MDFIC: variants seen among roughly 807,000 people sequenced by gnomAD.
MDFIC encodes MyoD family inhibitor domain containing.
In MDFIC, 17 loss-of-function variants were observed where a neutral mutation model predicts 23.2. The ratio of observed to expected loss-of-function variants is 0.73; its 90% CI spans 0.50 to 1.10. MDFIC has a LOEUF of 1.10. MDFIC is among the 50% of genes least tolerant of loss of function. The pLI is 0.00. For synonymous variants in MDFIC, 120 were observed against 115.2 expected (o/e 1.04, Z -0.27); for missense variants, 356 against 316.6 (o/e 1.12, Z -0.95).
In MDFIC at chr7:114,946,484, A is replaced by C. The variant is rs574563463; in HGVS notation, c.217+4087A>C. Among the ~76,000 whole-genome samples, 310 of 152,280 alleles carry C rather than the reference A, an allele frequency of 2.0e-3. 1 individual carries two copies. The highest frequency in any genetic ancestry group is 3.5e-3 in the Non-Finnish European group (236 of 68,028). On this transcript the variant is annotated intron_variant, in intron 3 of 4. Transcript: ENST00000393486. ...ACGTCTGCTAATTCTAAATGTCATT[A>C]CTTAACTCCAGAAATTTTCCTTAGC...
rs778510969 is a variant in MDFIC, at chr7:114,938,913, T to A, written c.95-3362T>A. Among the ~76,000 whole-genome samples the A allele has an allele frequency of 4.9e-4, 75 of 152,228 alleles. 1 individual carries two copies. Among genetic ancestry groups the A allele is most frequent in the Non-Finnish European group, 5.9e-5 (4 of 68,040 alleles). ...AAATAACATGAAAAACCTACTCTGATAATAGAAATTGGTTACTAGAAACTT... is the reference window on the plus strand; with the variant it reads ...AAATAACATGAAAAACCTACTCTGAAAATAGAAATTGGTTACTAGAAACTT... On this transcript the variant is annotated intron_variant, in intron 2 of 4. Transcript: ENST00000393486.
intron 2 of MDFIC, among the ~76,000 whole-genome samples, chr7:114,933,089 G>C (rs4466338): frequency 0.83 from 126,381 of 152,104 alleles, 54,377 homozygotes; most frequent in East Asian, 1. Flanking sequence ...TGCTTAACTA[G>C]AGAGCTTGAG....
Position 115,019,281 on chromosome 7 carries a change from T to C in MDFIC, c.*3346T>C, listed in dbSNP as rs1791856939. ...TAACTAAAACAATACAGTATGACTTTATTTAGGAGAAGGCTTTTTATTTAG... is the reference window on the plus strand; with the variant it reads ...TAACTAAAACAATACAGTATGACTTCATTTAGGAGAAGGCTTTTTATTTAG... On this transcript the variant is annotated 3_prime_UTR_variant, in exon 5 of 5. Transcript: ENST00000393486. 6.6e-6 allele frequency: 1 copy of C among 152,106 alleles called. No individual in the cohort carries two copies. The highest frequency in any genetic ancestry group is 1.5e-5 in the Non-Finnish European group (1 of 67,960). The allele number at this position is 152,106 out of a possible 1,614,324, so 9.4% of individuals were successfully genotyped here.
intron 2 of MDFIC, among the ~76,000 whole-genome samples, chr7:114,932,458 CA>C (rs1792330336): frequency 6.6e-5 from 10 of 152,048 alleles, no homozygotes; most frequent in Admixed American, 6.5e-4. Context: ...AAGACACAGA[CA>C]ACAGTTATAG....
rs1791864577 is a variant in MDFIC at position 115,019,779 on chromosome 7, T to A, written c.*3844T>A. Reference sequence around the variant, plus strand: ...ACAACAGAACATATCATTTTTGTTTTAAACAATGGTTAATATATTAATAGG... The same window carrying A: ...ACAACAGAACATATCATTTTTGTTTAAAACAATGGTTAATATATTAATAGG... On this transcript the variant is annotated 3_prime_UTR_variant, in exon 5 of 5. Coordinates refer to ENST00000393486, the MANE Select transcript of MDFIC (RefSeq NM_001166345.3). Among the ~76,000 whole-genome samples, 1 of 152,150 alleles carries A rather than the reference T, an allele frequency of 6.6e-6. No homozygotes were observed. Among genetic ancestry groups the A allele is most frequent in the South Asian group, 2.1e-4 (1 of 4,828 alleles).
intron 4 of MDFIC, chr7:115,014,512 A>G (rs1345292301): frequency 7.8e-7 from 1 of 1,289,668 alleles, no homozygotes; most frequent in East Asian, 5.6e-5. Context: ...AAATACAGAA[A>G]CACAAAGGAC....
intron 3 of MDFIC, 123 bp from the exon 4 acceptor site, chr7:114,979,383 G>A (rs1793375001): frequency 1.1e-6 from 1 of 920,846 alleles, no homozygotes; most frequent in African/African-American, 1.7e-5. Flanking sequence ...TTTCTTTGTT[G>A]CCTCTTCAGT....
chr7:114,982,972 A>G (rs868833731), intron 4 of MDFIC, among the ~76,000 whole-genome samples: 1 of 152,214 alleles, frequency 6.6e-6, no homozygotes, highest in African/African-American at 2.4e-5. Context: ...TTAATTAGGG[A>G]GAAGCCCTCA....
At chr7:114,976,612 A>G (rs1793320852) in intron 3 of MDFIC, among the ~76,000 whole-genome samples, 1 of 152,154 alleles carries the variant, frequency 6.6e-6, no homozygotes, top group Non-Finnish European at 1.5e-5. Flanking sequence ...CTTTATCACT[A>G]AAGAACTGAA....
intron 3 of MDFIC, among the ~76,000 whole-genome samples, chr7:114,978,631 A>G (rs1330389256): frequency 6.6e-6 from 1 of 152,002 alleles, no homozygotes; most frequent in Non-Finnish European, 1.5e-5. Flanking sequence ...TTGTGTATCA[A>G]TCTTGCTACA....
intron 4 of MDFIC, among the ~76,000 whole-genome samples, chr7:115,012,196 G>A (rs564453960): frequency 1.8e-4 from 28 of 152,128 alleles, no homozygotes; most frequent in South Asian, 8.3e-4. Flanking sequence ...CCAGTATCTC[G>A]AATATCTGAA....
At chr7:114,963,474 G>C (rs1315631654) in intron 3 of MDFIC, among the ~76,000 whole-genome samples, 1 of 152,106 alleles carries the variant, frequency 6.6e-6, no homozygotes, top group Non-Finnish European at 1.5e-5. Flanking sequence ...GATCTTTGTT[G>C]AAATGCCATT....
Position 114,922,491 on chromosome 7 carries a change from G to T in MDFIC, c.-253G>T. The T allele has an allele frequency of 8.0e-7, 1 of 1,254,380 alleles. No homozygotes were observed. The highest frequency in any genetic ancestry group is 1.0e-6 in the Non-Finnish European group (1 of 993,108). 77.7% of individuals were successfully genotyped at this position (1,254,380 alleles called of 1,614,324 possible). On this transcript the variant is annotated 5_prime_UTR_variant, in exon 1 of 5. Coordinates refer to ENST00000393486, the MANE Select transcript of MDFIC (RefSeq NM_001166345.3). ...CGTCTGGGCTGAGCCGGAGGGAGGC[G>T]GGAGGACGCGCAGGGGCGGCCGCCG...
At chr7:115,007,572 C>T (rs1177815282) in intron 4 of MDFIC, among the ~76,000 whole-genome samples, 1 of 147,622 alleles carries the variant, frequency 6.8e-6, no homozygotes, top group African/African-American at 2.6e-5. Context: ...CTGTGTTAAG[C>T]TTCTAAGAAT....
At chr7:114,997,074 G>A (rs1051207232) in intron 4 of MDFIC, among the ~76,000 whole-genome samples, 10 of 152,190 alleles carry the variant, frequency 6.6e-5, no homozygotes, top group Non-Finnish European at 1.2e-4. Context: ...AAATTGTCAC[G>A]TAGAAGTCAC....
chr7:114,969,778 G>A (rs1793172994), intron 3 of MDFIC, among the ~76,000 whole-genome samples: 2 of 152,102 alleles, frequency 1.3e-5, no homozygotes, highest in South Asian at 4.2e-4. Flanking sequence ...TCACACAAAC[G>A]TATATGTACT....
intron 2 of MDFIC, among the ~76,000 whole-genome samples, chr7:114,933,321 T>C (rs936175180): frequency 4.7e-5 from 7 of 149,966 alleles, no homozygotes; most frequent in Non-Finnish European, 8.9e-5. Flanking sequence ...TGCAATGGCG[T>C]GATCTCGGCT....
intron 2 of MDFIC, among the ~76,000 whole-genome samples, chr7:114,932,477 C>T (rs1030814007): frequency 2.0e-5 from 3 of 152,086 alleles, no homozygotes; most frequent in African/African-American, 7.2e-5. Flanking sequence ...TAGAAACAGA[C>T]AGGAAGAGAA....
At chr7:114,974,787 G>A (rs1005559415) in intron 3 of MDFIC, among the ~76,000 whole-genome samples, 2 of 151,854 alleles carry the variant, frequency 1.3e-5, no homozygotes, top group African/African-American at 2.4e-5. Flanking sequence ...ATTGAAAATC[G>A]CTAGACCTAA....
Sources: gnomAD v4.1 joint callset for allele counts (sites outside exome capture counted in the v4.1 genomes callset) on GRCh38, gnomAD v4.1.1 for gene constraint, MANE v1.5 for transcripts, NCBI Gene and HGNC (gene_info 2026-07-23, HGNC 2026-07-21) for gene names.